Variants in STARD13 observed in about 807,000 individuals in gnomAD.
The protein encoded by STARD13 is StAR related lipid transfer domain containing 13.
In STARD13, 62 loss-of-function variants were observed where a neutral mutation model predicts 106.4. That is an observed-to-expected ratio of 0.58 (90% CI 0.48 to 0.72). STARD13 has a LOEUF of 0.72. Ranked by LOEUF, STARD13 falls within the 30% of genes least tolerant of loss-of-function variation. The probability of loss-of-function intolerance (pLI) is 0.00; values close to 1 mark genes in which losing one functional copy is unlikely to be tolerated. For missense variants in STARD13, 1,387 were observed against 1,424.0 expected, an observed-to-expected ratio of 0.97 and a Z score of 0.42; for synonymous variants, 565 against 553.0, an observed-to-expected ratio of 1.02 and a Z score of -0.31.
the STARD13 span, among the ~76,000 whole-genome samples, chr13:33,484,969 A>C: frequency 6.6e-6 from 1 of 152,226 alleles, no homozygotes; most frequent in Non-Finnish European, 1.5e-5. Flanking sequence ...CATAACCTTT[A>C]ACACTACCAG....
chr13:33,360,047 G>C, the STARD13 span, among the ~76,000 whole-genome samples: 1 of 152,226 alleles, frequency 6.6e-6, no homozygotes, highest in Non-Finnish European at 1.5e-5. Flanking sequence ...TGAGGACACA[G>C]ACTGGGTTCT....
chr13:33,609,598 G>C, the STARD13 span, among the ~76,000 whole-genome samples: 1 of 146,196 alleles, frequency 6.8e-6, no homozygotes, highest in African/African-American at 2.5e-5. Context: ...ATGGAGTCTC[G>C]CTGTGTTGCC....
At chr13:33,528,241 T>TACATATATATATATACATATATATATAC in the STARD13 span, among the ~76,000 whole-genome samples, 2 of 130,518 alleles carry the variant, frequency 1.5e-5, no homozygotes, top group African/African-American at 6.9e-5. Context: ...TATATATATA[T>TACATATATATATATACATATATATATAC]ACATATATAT....
the STARD13 span, among the ~76,000 whole-genome samples, chr13:33,400,683 T>C: frequency 1.8e-3 from 267 of 152,294 alleles, 2 homozygotes; most frequent in Middle Eastern, 6.8e-3. Flanking sequence ...CAGGATGGTC[T>C]TGATCTCCTG....
chr13:33,109,157 TA>T (rs915962495), intron 12 of STARD13, among the ~76,000 whole-genome samples: 1 of 152,150 alleles, frequency 6.6e-6, no homozygotes, highest in Non-Finnish European at 1.5e-5. Context: ...AGATTTTCAA[TA>T]AAAAAGGATA....
chr13:33,185,846 G>C (rs1311536474), intron 1 of STARD13: 3 of 1,610,788 alleles, frequency 1.9e-6, no homozygotes, highest in Non-Finnish European at 2.5e-6. Flanking sequence ...TCTATCCTTT[G>C]TACCCACATG....
chr13:33,619,896 C>G, the STARD13 span, among the ~76,000 whole-genome samples: 1 of 152,110 alleles, frequency 6.6e-6, no homozygotes, highest in Admixed American at 6.6e-5. Context: ...AACCTCATCT[C>G]TACTAAAAAA....
chr13:33,615,935 C>G, the STARD13 span, among the ~76,000 whole-genome samples: 3 of 152,158 alleles, frequency 2.0e-5, no homozygotes, highest in Admixed American at 6.5e-5. Flanking sequence ...TGGAATAATG[C>G]TTGATGTTGC....
chr13:33,233,471 C>T (rs1594141389), intron 1 of STARD13, among the ~76,000 whole-genome samples: 1 of 152,230 alleles, frequency 6.6e-6, no homozygotes, highest in Admixed American at 6.5e-5. Context: ...GGAAGACGAC[C>T]TGCCCTTCCT....
At chr13:33,486,459 C>G in the STARD13 span, among the ~76,000 whole-genome samples, 1 of 152,070 alleles carries the variant, frequency 6.6e-6, no homozygotes, top group Non-Finnish European at 1.5e-5. Context: ...ACAACAATAT[C>G]TAATTATAAA....
At chr13:33,303,304 C>T (rs572802907) in intron 1 of STARD13, among the ~76,000 whole-genome samples, 1 of 152,308 alleles carries the variant, frequency 6.6e-6, no homozygotes, top group South Asian at 2.1e-4. Context: ...GAACCTTTCT[C>T]TTGATCCAGC....
chr13:33,427,563 C>T, the STARD13 span, among the ~76,000 whole-genome samples: 32 of 152,174 alleles, frequency 2.1e-4, no homozygotes, highest in Non-Finnish European at 3.1e-4. Context: ...CTATTTTTCA[C>T]GAGGGTCAAA....
chr13:33,650,618 A>T, the STARD13 span, among the ~76,000 whole-genome samples: 2 of 152,232 alleles, frequency 1.3e-5, no homozygotes, highest in Admixed American at 6.5e-5. Context: ...AAATTCAGTA[A>T]TTGGTCCTGG....
At chr13:33,197,678 C>T (rs868114844) in intron 1 of STARD13, among the ~76,000 whole-genome samples, 6 of 152,206 alleles carry the variant, frequency 3.9e-5, no homozygotes, top group African/African-American at 9.7e-5. Context: ...GCTTGCCTAA[C>T]GGATCAGCAA....
At chr13:33,111,653 A>C in intron 10 of STARD13, 125 bp downstream of exon 10, 1 of 642,960 alleles carries the variant, frequency 1.6e-6, no homozygotes, top group Non-Finnish European at 2.8e-6. Flanking sequence ...CCAGAGCTAT[A>C]ACATATACTA....
the STARD13 span, among the ~76,000 whole-genome samples, chr13:33,537,661 CG>C: frequency 6.6e-6 from 1 of 151,480 alleles, no homozygotes; most frequent in Non-Finnish European, 1.5e-5. Flanking sequence ...CGGGCTTGGC[CG>C]GGAAGTGTAT....
At chr13:33,625,011 G>A in the STARD13 span, among the ~76,000 whole-genome samples, 1 of 152,206 alleles carries the variant, frequency 6.6e-6, no homozygotes, top group Non-Finnish European at 1.5e-5. Flanking sequence ...AGCAGTGGGA[G>A]GTGGAGTCCC....
chr13:33,423,391 G>A, the STARD13 span, among the ~76,000 whole-genome samples: 1 of 152,304 alleles, frequency 6.6e-6, no homozygotes, highest in Admixed American at 6.5e-5. Flanking sequence ...AAACCACAAT[G>A]AGATACCATC....
intron 1 of STARD13, among the ~76,000 whole-genome samples, chr13:33,266,903 A>G (rs1479954519): frequency 6.6e-6 from 1 of 152,232 alleles, no homozygotes; most frequent in Non-Finnish European, 1.5e-5. Flanking sequence ...ATCGGCTTTG[A>G]ACAAATATTT....
Sources: gnomAD v4.1 joint callset for allele counts (sites outside exome capture counted in the v4.1 genomes callset) on GRCh38, gnomAD v4.1.1 for gene constraint, MANE v1.5 for transcripts, NCBI Gene and HGNC (gene_info 2026-07-23, HGNC 2026-07-21) for gene names.